SAMM50: variants seen among roughly 807,000 people sequenced by gnomAD.
SAMM50 encodes SAMM50 sorting and assembly machinery component, also known as sorting and assembly machinery component 50 homolog.
SAMM50 carries 47 observed loss-of-function variants against 66.9 expected under a neutral mutation model. The observed-to-expected ratio is 0.70, with a 90% CI of 0.56 to 0.90. The LOEUF (loss-of-function observed/expected upper bound fraction) is 0.90. SAMM50 is among the 40% of genes least tolerant of loss of function. SAMM50 has a pLI of 0.00. For synonymous variants in SAMM50, 191 were observed against 214.1 expected (o/e 0.89, Z 0.94); for missense variants, 535 against 595.3 (o/e 0.90, Z 1.05).
rs2050263812 is a variant in SAMM50 at position 43,981,380 on chromosome 22, T to C, written c.937-11T>C. ...CTGGGAGAAAACAACCATTTGTTTC[T>C]ATTTGAACAGGTTTTTTCAGCGTCT... On this transcript the variant is annotated splice_polypyrimidine_tract_variant and intron_variant, in intron 10 of 14. Transcript: ENST00000350028. The C allele has an allele frequency of 1.2e-6, 2 of 1,610,878 alleles. No homozygotes were observed. The highest frequency in any genetic ancestry group is 1.3e-5 in the African/African-American group (1 of 74,850).
chr22:43,962,000 CTGTGTGTGTGTG>C (rs919828226), intron 1 of SAMM50, among the ~76,000 whole-genome samples: 1 of 150,948 alleles, frequency 6.6e-6, no homozygotes, highest in African/African-American at 2.4e-5. Context: ...GTGTGTGTGT[CTGTGTGTGTGTG>C]TGTATGTGAT....
At chr22:43,962,881 ATTTTTTTTTTTTTT>A (rs58022542) in intron 1 of SAMM50, among the ~76,000 whole-genome samples, 10 of 65,518 alleles carry the variant, frequency 1.5e-4, no homozygotes, top group Admixed American at 3.9e-4. Flanking sequence ...CTTTTGGTTA[ATTTTTTTTTTTTTT>A]TTTTTTTTTT....
chr22:43,956,518 A>G (rs769513031), intron 1 of SAMM50, among the ~76,000 whole-genome samples: 3 of 152,218 alleles, frequency 2.0e-5, no homozygotes, highest in Non-Finnish European at 4.4e-5. Flanking sequence ...TGTAACTGTA[A>G]TAGGTCTGTT....
intron 4 of SAMM50, among the ~76,000 whole-genome samples, chr22:43,971,399 T>A (rs1398599974): frequency 1.3e-5 from 2 of 152,174 alleles, no homozygotes; most frequent in East Asian, 1.9e-4. Context: ...AGGGCCATGG[T>A]GGGTCACGAG....
At chr22:43,991,203 C>G (rs541420318) in intron 14 of SAMM50, among the ~76,000 whole-genome samples, 1 of 152,044 alleles carries the variant, frequency 6.6e-6, no homozygotes, top group African/African-American at 2.4e-5. Context: ...GTGTCAAACT[C>G]CTGACCTCGT....
intron 11 of SAMM50, among the ~76,000 whole-genome samples, chr22:43,982,664 C>A (rs1025364858): frequency 1.3e-5 from 2 of 152,178 alleles, no homozygotes; most frequent in African/African-American, 4.8e-5. Context: ...GAGACAGAGT[C>A]TTACTCTGTC....
chr22:43,992,838 G>A (rs2146829992), intron 14 of SAMM50, among the ~76,000 whole-genome samples: 1 of 152,330 alleles, frequency 6.6e-6, no homozygotes, highest in Middle Eastern at 3.4e-3. Context: ...CCTGTGGGAG[G>A]TGTTGCCCCT....
At chr22:43,979,156 T>C (rs1245970938) in intron 10 of SAMM50, among the ~76,000 whole-genome samples, 2 of 152,236 alleles carry the variant, frequency 1.3e-5, no homozygotes, top group Non-Finnish European at 2.9e-5. Flanking sequence ...TTCTGCCTCA[T>C]AGGCATGGCT....
At chr22:43,993,631 C>A (rs2050337459) in intron 14 of SAMM50, among the ~76,000 whole-genome samples, 1 of 152,206 alleles carries the variant, frequency 6.6e-6, no homozygotes, top group Non-Finnish European at 1.5e-5. Flanking sequence ...GGACAGTGAG[C>A]TCTGAACGGG....
At chr22:43,964,197 C>T (rs1214713325) in intron 2 of SAMM50, among the ~76,000 whole-genome samples, 2 of 152,160 alleles carry the variant, frequency 1.3e-5, no homozygotes, top group Admixed American at 6.6e-5. Flanking sequence ...TTAGGGCTCA[C>T]CTGGTCCTGG....
In SAMM50 at chr22:43,955,480, C is replaced by G. The variant is rs1403874244; in HGVS notation, c.-98C>G. ...CGGGGGTTTGTGGGAGTTGCCTTGA[C>G]CTGCAGCTCCGCCACCGCGGACCCG... On this transcript the variant is annotated 5_prime_UTR_variant, in exon 1 of 15. Coordinates refer to ENST00000350028, the MANE Select transcript of SAMM50 (RefSeq NM_015380.5). The G allele has an allele frequency of 7.8e-6, 11 of 1,414,202 alleles. No homozygotes were observed. The highest frequency in any genetic ancestry group is 1.9e-4 in the Middle Eastern group (1 of 5,400). 87.6% of individuals were successfully genotyped at this position (1,414,202 alleles called of 1,614,324 possible).
At chr22:43,958,423 A>G (rs1250859045) in intron 1 of SAMM50, among the ~76,000 whole-genome samples, 1 of 150,646 alleles carries the variant, frequency 6.6e-6, no homozygotes, top group Admixed American at 6.6e-5. Flanking sequence ...TGTGCCTAGC[A>G]CTGTGATAGG....
chr22:43,979,875 G>A (rs1006188367), intron 10 of SAMM50, among the ~76,000 whole-genome samples: 3 of 150,700 alleles, frequency 2.0e-5, no homozygotes, highest in Admixed American at 1.3e-4. Context: ...TCTGTCTGCC[G>A]CTGGCTGTAA....
chr22:43,996,527 C>G lies in SAMM50; in HGVS notation c.*144C>G. The G allele has an allele frequency of 1.2e-6, 1 of 825,458 alleles. No homozygotes were observed. Among genetic ancestry groups the G allele is most frequent in the Admixed American group, 1.9e-5 (1 of 53,524 alleles). 51.1% of individuals were successfully genotyped at this position (825,458 alleles called of 1,614,324 possible). On this transcript the variant is annotated 3_prime_UTR_variant, in exon 15 of 15. Coordinates refer to ENST00000350028, the MANE Select transcript of SAMM50 (RefSeq NM_015380.5). ...CCCGTCAATAAATGTTAAAGACACA[C>G]TCCGAGGCAGCGTGGATGTGGTTTG... is the stretch of plus-strand genomic sequence containing the variant.
At chr22:43,957,336 C>A in intron 1 of SAMM50, 2 of 578,896 alleles carry the variant, frequency 3.5e-6, no homozygotes, top group East Asian at 3.0e-5. Flanking sequence ...TGCTGTACCC[C>A]TCAAGGATTT....
intron 7 of SAMM50, chr22:43,974,492 G>GGTCCTT (rs1253474925): frequency 1.3e-5 from 2 of 152,306 alleles, no homozygotes; most frequent in Non-Finnish European, 2.9e-5. Context: ...CCAGGCCTCT[G>GGTCCTT]GTCCTTGCAG....
rs1057222975 is a variant in SAMM50 at position 43,962,946 on chromosome 22, A to G, written c.22-340A>G. 4 of 122,774 alleles carry G rather than the reference A, an allele frequency of 3.3e-5. No homozygotes were observed. The Admixed American group carries it at 4.7e-4, about 14-fold the overall frequency. The allele number at this position is 122,774 out of a possible 1,614,324, so 7.6% of individuals were successfully genotyped here. ...GGGGTCTTGCCGTGTTGTGCAGGCTAGTCTCAAGCTGCTAGCCTCAAGTGA... is the reference window on the plus strand; with the variant it reads ...GGGGTCTTGCCGTGTTGTGCAGGCTGGTCTCAAGCTGCTAGCCTCAAGTGA... On this transcript the variant is annotated intron_variant, in intron 1 of 14. Transcript: ENST00000350028.
Position 43,964,032 on chromosome 22 carries a change from A to G in SAMM50, c.133-420A>G, listed in dbSNP as rs867853406. ...AAGTGTTTCTCCTGCCTCAGCCTCC[A>G]AAGTAACTGGGACTATAGGCGTGCA... is the stretch of plus-strand genomic sequence containing the variant. On this transcript the variant is annotated intron_variant, in intron 2 of 14. Coordinates refer to ENST00000350028, the MANE Select transcript of SAMM50 (RefSeq NM_015380.5). Among the ~76,000 whole-genome samples, 4 of 152,074 alleles carry G rather than the reference A, an allele frequency of 2.6e-5. No individual in the cohort carries two copies. The South Asian group carries it at 8.3e-4, about 31-fold the overall frequency.
rs1473230242 is a variant in SAMM50, at chr22:43,976,187, ACG to A, written c.777+5_777+6del. On this transcript the variant is annotated splice_donor_5th_base_variant and intron_variant, in intron 8 of 14. Coordinates refer to ENST00000350028, the MANE Select transcript of SAMM50 (RefSeq NM_015380.5). ...TTCACTGAAATCATCTCTTTCGGTA[ACG>A]GTTTCTCTTAGTTGGAGTAAATAAT... 7 of 1,601,586 alleles carry A rather than the reference ACG, an allele frequency of 4.4e-6. No individual in the cohort carries two copies. Among genetic ancestry groups the A allele is most frequent in the Non-Finnish European group, 6.0e-6 (7 of 1,169,588 alleles).
Sources: gnomAD v4.1 joint callset for allele counts (sites outside exome capture counted in the v4.1 genomes callset) on GRCh38, gnomAD v4.1.1 for gene constraint, MANE v1.5 for transcripts, NCBI Gene and HGNC (gene_info 2026-07-23, HGNC 2026-07-21) for gene names.